FOXK2: variants seen among roughly 807,000 people sequenced by gnomAD.
FOXK2 encodes forkhead box protein K2.
In FOXK2, 24 loss-of-function variants were observed where a neutral mutation model predicts 53.3. The ratio of observed to expected loss-of-function variants is 0.45; its 90% CI spans 0.33 to 0.63. The LOEUF (loss-of-function observed/expected upper bound fraction) is 0.63, where lower values mean the gene tolerates loss of function less well. Ranked by LOEUF, FOXK2 falls within the 30% of genes least tolerant of loss-of-function variation. The probability of loss-of-function intolerance (pLI) is 0.03; values close to 1 mark genes in which losing one functional copy is unlikely to be tolerated. For synonymous variants in FOXK2, 505 were observed against 407.1 expected (o/e 1.24, Z -2.89); for missense variants, 952 against 910.5 (o/e 1.05, Z -0.59).
At chr17:82,583,960 C>T in intron 5 of FOXK2, 53 bp from the exon 6 acceptor site, 1 of 1,526,702 alleles carries the variant, frequency 6.6e-7, no homozygotes, top group Non-Finnish European at 8.8e-7. Context: ...ACAGCAAGTG[C>T]TTTCTGAGTG....
At position 82,520,185 on chromosome 17, in the gene FOXK2, G is replaced by T. The variant is rs750295956; in HGVS notation, c.297G>T (p.Pro99=). The change falls in exon 1 of 9, where the codon CCG becomes CCT. Residue 99 remains proline, a synonymous_variant. Transcript: ENST00000335255. ...ATGGCGGGGCCGCTCCGGAGCTGCC[G>T]CCCGCGCAGCCCAGGCCCGACGCCG... The part of the protein sequence containing the change: ...GGHGGAAPEL[P]PAQPRPDAGG... 9 of 1,427,354 alleles carry T rather than the reference G, an allele frequency of 6.3e-6. No individual in the cohort carries two copies. The South Asian group carries it at 1.2e-4, about 19-fold the overall frequency. The allele number at this position is 1,427,354 out of a possible 1,614,324, so 88.4% of individuals were successfully genotyped here.
rs1567975420 is a variant in FOXK2 at position 82,563,750 on chromosome 17, C to CTTT, written c.614+202_614+203insTTT. 3.2e-3 allele frequency among the ~76,000 whole-genome samples: 303 copies of CTTT among 94,562 alleles called. 35 individuals carry two copies. The highest frequency in any genetic ancestry group is 0.011 in the African/African-American group (241 of 22,250). 62.0% of individuals were successfully genotyped at this position (94,562 alleles called of 152,430 possible). A position where few individuals can be genotyped will look rare whatever the true frequency, so the allele number is the denominator to read the frequency against. ...GTTCCTGGTTTTTATTTACTCATTC[C>CTTT]CTTTTTTTTTTTTTTTTTTGAGAAG... On this transcript the variant is annotated intron_variant, in intron 2 of 8. Transcript: ENST00000335255.
At chr17:82,555,880 T>C (rs1273762076) in intron 1 of FOXK2, among the ~76,000 whole-genome samples, 2 of 74,568 alleles carry the variant, frequency 2.7e-5, no homozygotes, top group Non-Finnish European at 2.5e-5. Flanking sequence ...AGCAAGACTC[T>C]ATCACAAAAA....
chr17:82,593,050 C>G (rs7208215), intron 8 of FOXK2, among the ~76,000 whole-genome samples: 1 of 140,110 alleles, frequency 7.1e-6, no homozygotes, highest in Non-Finnish European at 1.5e-5. Context: ...CTTCCTGTAC[C>G]GGGCACAGGC....
chr17:82,549,823 C>T (rs2044659250), intron 1 of FOXK2, among the ~76,000 whole-genome samples: 1 of 152,212 alleles, frequency 6.6e-6, no homozygotes, highest in Non-Finnish European at 1.5e-5. Flanking sequence ...TCCGCCATTT[C>T]CTAATATTTA....
intron 4 of FOXK2, chr17:82,576,493 A>G (rs2044987841): frequency 3.6e-6 from 2 of 555,234 alleles, no homozygotes. Flanking sequence ...TACTTAACAT[A>G]AATGAAGAAT....
Position 82,601,160 on chromosome 17 carries a change from G to C in FOXK2, c.1787-143G>C, listed in dbSNP as rs543138614. 5 of 884,748 alleles carry C rather than the reference G, an allele frequency of 5.7e-6. No individual in the cohort carries two copies. The Admixed American group carries it at 1.1e-4, about 20-fold the overall frequency. The allele number at this position is 884,748 out of a possible 1,614,324, so 54.8% of individuals were successfully genotyped here. A position where few individuals can be genotyped will look rare whatever the true frequency, so the allele number is the denominator to read the frequency against. On this transcript the variant is annotated intron_variant, in intron 8 of 8. Coordinates refer to ENST00000335255, the MANE Select transcript of FOXK2 (RefSeq NM_004514.4). ...TCTTGTGGGAGCCTCCGCGGGCCTG[G>C]GAGTGGCAGGACCCTTAGAGGGCGA...
chr17:82,576,895 C>T (rs2044993478), intron 4 of FOXK2: 2 of 465,636 alleles, frequency 4.3e-6, no homozygotes, highest in East Asian at 8.4e-5. Flanking sequence ...TGCGGTGGCT[C>T]ACGCCTGTAA....
At chr17:82,581,587 C>T (rs530231729) in intron 4 of FOXK2, among the ~76,000 whole-genome samples, 3 of 151,808 alleles carry the variant, frequency 2.0e-5, no homozygotes, top group Admixed American at 2.0e-4. Context: ...ACCATTCTCC[C>T]GCCTCAGCCT....
intron 1 of FOXK2, among the ~76,000 whole-genome samples, chr17:82,522,454 T>C (rs2044372970): frequency 6.6e-6 from 1 of 150,752 alleles, no homozygotes; most frequent in South Asian, 2.1e-4. Context: ...CTGCAAGCTA[T>C]GCCTCCCGGG....
rs748978897 is a variant in FOXK2, at chr17:82,563,750, CCTTTTTTTTTT to C, written c.614+203_614+213del. Reference sequence around the variant, plus strand: ...GTTCCTGGTTTTTATTTACTCATTCCCTTTTTTTTTTTTTTTTTTGAGAAGGAGTCTCTGTC... The same window carrying C: ...GTTCCTGGTTTTTATTTACTCATTCCTTTTTTTTGAGAAGGAGTCTCTGTC... On this transcript the variant is annotated intron_variant, in intron 2 of 8. Transcript: ENST00000335255. Among the ~76,000 whole-genome samples the C allele has an allele frequency of 8.3e-3, 781 of 94,580 alleles. 6 individuals carry two copies. The highest frequency in any genetic ancestry group is 0.034 in the African/African-American group (746 of 22,256). 62.0% of individuals were successfully genotyped at this position (94,580 alleles called of 152,430 possible).
rs1481004698 is a variant in FOXK2, at chr17:82,586,500, CG to C, written c.1576+307del. Among the ~76,000 whole-genome samples, 12 of 2,536 alleles carry C rather than the reference CG, an allele frequency of 4.7e-3. 1 individual carries two copies. The highest frequency in any genetic ancestry group is 6.1e-3 in the Non-Finnish European group (9 of 1,474). 1.7% of individuals were successfully genotyped at this position (2,536 alleles called of 152,430 possible). ...GACCACAGGGAGGTCAAAGGTGGGCCGGGGGGGAAAGGAGGAGAGGGGAGAC... is the reference window on the plus strand; with the variant it reads ...GACCACAGGGAGGTCAAAGGTGGGCCGGGGGGAAAGGAGGAGAGGGGAGAC... On this transcript the variant is annotated intron_variant, in intron 7 of 8. Coordinates refer to ENST00000335255, the MANE Select transcript of FOXK2 (RefSeq NM_004514.4).
chr17:82,563,421 GAGA>G lies in FOXK2; in HGVS notation c.490_492del (p.Lys164del). 1.9e-6 allele frequency: 3 copies of G among 1,614,204 alleles called. No individual in the cohort carries two copies. The highest frequency in any genetic ancestry group is 2.5e-6 in the Non-Finnish European group (3 of 1,180,034). ...CACTGCCCTGTCCAGCGAGAAGAGA[GAGA>G]AGCAGGAGGCGTCTGAGTCTCCAGT... is the stretch of plus-strand genomic sequence containing the variant. On this transcript the variant is annotated inframe_deletion, in exon 2 of 9. Transcript: ENST00000335255.
Position 82,585,913 on chromosome 17 carries a change from T to G in FOXK2, c.1289T>G (p.Leu430Arg), listed in dbSNP as rs1418669203. Residue 430 changes from leucine to arginine, a missense_variant, in exon 7 of 9, where the codon CTG becomes CGG. Physicochemically the swap from Leu to Arg is moderately radical, Grantham distance 102. Transcript: ENST00000335255. ...RFAQSAPGSP[L>R]SSQPVLITVQ... The stretch of plus-strand genomic sequence containing the variant: ...CTGTGTCTTTCACCAGGGTCACCTC[T>G]GTCCAGTCAGCCAGTCTTAATCACC... The G allele has an allele frequency of 6.2e-7, 1 of 1,610,850 alleles. No individual in the cohort carries two copies. Among genetic ancestry groups the G allele is most frequent in the Non-Finnish European group, 8.5e-7 (1 of 1,178,334 alleles).
chr17:82,571,015 C>A (rs1232136198), intron 3 of FOXK2, among the ~76,000 whole-genome samples: 1 of 152,076 alleles, frequency 6.6e-6, no homozygotes, highest in Non-Finnish European at 1.5e-5. Flanking sequence ...TTTGGTGAGT[C>A]CCAGGGGCTC....
rs1326992204 is a variant in FOXK2, at chr17:82,587,122, A to G, written c.1636A>G (p.Ile546Val). The G allele has an allele frequency of 1.2e-6, 2 of 1,613,106 alleles. No homozygotes were observed. Among genetic ancestry groups the G allele is most frequent in the South Asian group, 2.2e-5 (2 of 91,086 alleles). The change falls in exon 8 of 9, where the codon ATT (isoleucine) becomes GTT (valine). Residue 546 changes from isoleucine to valine, a missense_variant. Physicochemically the swap from Ile to Val is conservative, Grantham distance 29 (BLOSUM62 3). Transcript: ENST00000335255. ...HATLGTASRI[I>V]QTAQTTPVQT... ...CACGCTCGGCACTGCCAGCCGGATCATTCAGACGGCACAGACCACCCCGGT... is the reference window on the plus strand; with the variant it reads ...CACGCTCGGCACTGCCAGCCGGATCGTTCAGACGGCACAGACCACCCCGGT...
chr17:82,587,890 A>G (rs2045208655), intron 8 of FOXK2, among the ~76,000 whole-genome samples: 1 of 152,184 alleles, frequency 6.6e-6, no homozygotes, highest in African/African-American at 2.4e-5. Context: ...TGGGTTGGGT[A>G]CATGTGGGCT....
At chr17:82,578,147 C>G (rs2045011865) in intron 4 of FOXK2, 1 of 151,984 alleles carries the variant, frequency 6.6e-6, no homozygotes, top group South Asian at 2.1e-4. Context: ...TTGTCCTGTT[C>G]CTTCTCCTCA....
intron 1 of FOXK2, among the ~76,000 whole-genome samples, chr17:82,553,566 C>A (rs975601150): frequency 6.6e-6 from 1 of 152,252 alleles, no homozygotes; most frequent in Non-Finnish European, 1.5e-5. Context: ...TCCACAGAAG[C>A]ACAAACATGG....
Sources: gnomAD v4.1 joint callset for allele counts (sites outside exome capture counted in the v4.1 genomes callset) on GRCh38, gnomAD v4.1.1 for gene constraint, MANE v1.5 for transcripts, NCBI Gene and HGNC (gene_info 2026-07-23, HGNC 2026-07-21) for gene names.